Variants in IL2RB observed in about 807,000 individuals in gnomAD.
The protein encoded by IL2RB is interleukin-2 receptor subunit beta.
In IL2RB, 17 loss-of-function variants were observed where a neutral mutation model predicts 44.2. The observed-to-expected ratio is 0.38, with a 90% CI of 0.26 to 0.58. The LOEUF is 0.58. Ranked by LOEUF, IL2RB falls within the 20% of genes least tolerant of loss-of-function variation. The pLI is 0.63. For synonymous variants in IL2RB, 286 were observed against 297.9 expected (o/e 0.96, Z 0.41); for missense variants, 624 against 685.5 (o/e 0.91, Z 1.00).
chr22:37,155,776 AC>A (rs1922659732), intron 1 of IL2RB, among the ~76,000 whole-genome samples: 1 of 151,778 alleles, frequency 6.6e-6, no homozygotes, highest in South Asian at 2.1e-4. Context: ...CACGAGCTCC[AC>A]GCCTTGCTCC....
chr22:37,142,509 C>T lies in IL2RB; in HGVS notation c.207G>A (p.Arg69=), dbSNP rs780762095. 2 of 1,614,136 alleles carry T rather than the reference C, an allele frequency of 1.2e-6. No individual in the cohort carries two copies. Among genetic ancestry groups the T allele is most frequent in the Non-Finnish European group, 1.7e-6 (2 of 1,179,972 alleles). ...GGAGCAGCTCACAGGTTTGGTTCCA[C>T]CGCCTTTCATGGCAAAAGACCCTCT... ...CQVHAWPDRR[R]WNQTCELLPV... Residue 69 remains arginine, a synonymous_variant, in exon 4 of 10, where the codon CGG becomes CGA. Transcript: ENST00000216223.
chr22:37,133,610 G>A (rs1313091786), intron 8 of IL2RB, among the ~76,000 whole-genome samples: 9 of 152,148 alleles, frequency 5.9e-5, no homozygotes, highest in African/African-American at 1.2e-4. Context: ...CACAACCCCC[G>A]GTCAGAAGTG....
chr22:37,165,568 G>C (rs957381860), intron 1 of IL2RB, among the ~76,000 whole-genome samples: 5 of 152,196 alleles, frequency 3.3e-5, no homozygotes, highest in African/African-American at 1.2e-4. Context: ...CAGGAAATAG[G>C]CATGGGAACG....
chr22:37,161,922 T>G (rs229489), intron 1 of IL2RB: 9 of 152,056 alleles, frequency 5.9e-5, no homozygotes, highest in Admixed American at 1.3e-4. Context: ...GTGTCCAGGA[T>G]GCAGCAATTC....
intron 1 of IL2RB, among the ~76,000 whole-genome samples, chr22:37,165,944 C>A (rs1363297602): frequency 6.6e-6 from 1 of 152,200 alleles, no homozygotes; most frequent in African/African-American, 2.4e-5. Flanking sequence ...AGTCATTCCT[C>A]GCCAGGGGAG....
chr22:37,148,070 G>A (rs1569048692), intron 1 of IL2RB, among the ~76,000 whole-genome samples: 2 of 152,248 alleles, frequency 1.3e-5, no homozygotes, highest in Non-Finnish European at 2.9e-5. Flanking sequence ...GGTGCTGAGG[G>A]ACAAAGGGGT....
chr22:37,156,304 A>T (rs372486685), intron 1 of IL2RB, among the ~76,000 whole-genome samples: 2 of 152,204 alleles, frequency 1.3e-5, no homozygotes, highest in East Asian at 3.8e-4. Flanking sequence ...CCTCCACTGT[A>T]CAACAGTGTC....
intron 1 of IL2RB, among the ~76,000 whole-genome samples, chr22:37,147,263 A>G (rs1922269223): frequency 6.6e-6 from 1 of 152,220 alleles, no homozygotes; most frequent in African/African-American, 2.4e-5. Context: ...AAACGGAGGC[A>G]CACAGAGGTG....
chr22:37,165,555 G>T (rs938219292), intron 1 of IL2RB, among the ~76,000 whole-genome samples: 1 of 152,160 alleles, frequency 6.6e-6, no homozygotes, highest in Non-Finnish European at 1.5e-5. Context: ...TTAGCTGCAG[G>T]GACAGGAAAT....
chr22:37,168,561 T>TC (rs1191406987), intron 1 of IL2RB, among the ~76,000 whole-genome samples: 2 of 152,136 alleles, frequency 1.3e-5, no homozygotes, highest in East Asian at 3.8e-4. Context: ...ATGCGACTAC[T>TC]CCCCACCTCT....
intron 1 of IL2RB, among the ~76,000 whole-genome samples, chr22:37,168,634 A>G (rs956507953): frequency 1.3e-5 from 2 of 152,234 alleles, no homozygotes; most frequent in Non-Finnish European, 2.9e-5. Context: ...AGTTCCTGGC[A>G]TGCAGGAGGC....
intron 1 of IL2RB, among the ~76,000 whole-genome samples, chr22:37,147,214 T>C (rs998753864): frequency 5.3e-5 from 8 of 152,210 alleles, no homozygotes; most frequent in African/African-American, 1.7e-4. Flanking sequence ...TCAGGGCCTC[T>C]GGCGGGGATA....
rs200339234 is a variant in IL2RB, at chr22:37,128,347, G to C, written c.1405C>G (p.Pro469Ala). 6.7e-7 allele frequency: 1 copy of C among 1,503,330 alleles called. No homozygotes were observed. 93.1% of individuals were successfully genotyped at this position (1,503,330 alleles called of 1,614,324 possible). A position where few individuals can be genotyped will look rare whatever the true frequency, so the allele number is the denominator to read the frequency against. Reference protein sequence around the residue: ...LQERVPRDWDPQPLGPPTPGV... With the variant: ...LQERVPRDWDAQPLGPPTPGV... ...GGGGTGGGAGGCCCCAGGGGCTGGG[G>C]GTCCCAGTCTCTGGGGACTCTTTCT... The change falls in exon 10 of 10, where the codon CCC becomes GCC. Residue 469 changes from proline (P) to alanine (A), a missense_variant. Pro to Ala is a conservative substitution (Grantham distance 27). Transcript: ENST00000216223. The surrounding 1 kb of genome is among the most constrained non-coding windows in gnomAD (Gnocchi z 4.5).
At chr22:37,143,774 T>G in intron 2 of IL2RB, 139 bp from the exon 3 acceptor site, 1 of 688,842 alleles carries the variant, frequency 1.5e-6, no homozygotes, top group Non-Finnish European at 2.6e-6. Context: ...AAGGGATTCA[T>G]GGACCCACTT....
intron 4 of IL2RB, 30 bp from the exon 5 acceptor site, chr22:37,139,252 T>G (rs1402702814): frequency 6.7e-7 from 1 of 1,492,144 alleles, no homozygotes; most frequent in Non-Finnish European, 9.3e-7. Flanking sequence ...GGGGTGAAAC[T>G]TCTAGCAGCT....
chr22:37,141,304 T>A lies in IL2RB; in HGVS notation c.282+1130A>T, dbSNP rs775472563. ...GGAGACCCACCCTCCCGGGCACAGCTGCAGCTACCCAAGTTGTGGCTGTGG... is the reference window on the plus strand; with the variant it reads ...GGAGACCCACCCTCCCGGGCACAGCAGCAGCTACCCAAGTTGTGGCTGTGG... On this transcript the variant is annotated intron_variant, in intron 4 of 9. Transcript: ENST00000216223. The surrounding 1 kb of genome is among the most constrained non-coding windows in gnomAD (Gnocchi z 4.4). Among the ~76,000 whole-genome samples the A allele has an allele frequency of 3.1e-4, 47 of 152,140 alleles. No homozygotes were observed. Among genetic ancestry groups the A allele is most frequent in the Non-Finnish European group, 7.4e-5 (5 of 67,998 alleles).
intron 1 of IL2RB, among the ~76,000 whole-genome samples, chr22:37,147,280 G>A (rs75690217): frequency 0.023 from 3,450 of 152,270 alleles, 124 homozygotes; most frequent in African/African-American, 0.079. Flanking sequence ...GGTGAAGTGC[G>A]TTGCCTAAGG....
chr22:37,157,910 C>T (rs748811770), intron 1 of IL2RB, among the ~76,000 whole-genome samples: 10 of 152,130 alleles, frequency 6.6e-5, no homozygotes, highest in Non-Finnish European at 1.2e-4. Flanking sequence ...GTCCCTAATA[C>T]CCTGAAGAGT....
intron 1 of IL2RB, among the ~76,000 whole-genome samples, chr22:37,161,294 T>A (rs1922861781): frequency 6.6e-6 from 1 of 152,216 alleles, no homozygotes; most frequent in African/African-American, 2.4e-5. Context: ...AGGGTGGCAT[T>A]GACAAAGGGA....
Sources: allele counts gnomAD v4.1 joint callset (sites outside exome capture counted in the v4.1 genomes callset), GRCh38; gene constraint gnomAD v4.1.1; non-coding constraint Gnocchi (gnomAD v3.1); transcripts MANE v1.5; gene names NCBI Gene and HGNC (gene_info 2026-07-23, HGNC 2026-07-21).